Variants in TACC2 observed in about 807,000 individuals in gnomAD.
TACC2 encodes the protein transforming acidic coiled-coil-containing protein 2.
TACC2 carries 137 observed loss-of-function variants against 227.3 expected under a neutral mutation model. The ratio of observed to expected loss-of-function variants is 0.60; its 90% CI spans 0.52 to 0.69. TACC2 has a LOEUF of 0.69. Among genes scored for constraint, TACC2 ranks in the 30% least tolerant of loss-of-function variants. The probability of loss-of-function intolerance (pLI) is 0.00; values close to 1 mark genes in which losing one functional copy is unlikely to be tolerated. For synonymous variants in TACC2, 1,523 were observed against 1,487.5 expected (o/e 1.02, Z -0.55); for missense variants, 3,470 against 3,694.4 (o/e 0.94, Z 1.57).
intron 3 of TACC2, among the ~76,000 whole-genome samples, chr10:122,073,441 A>G (rs1451050171): frequency 2.0e-5 from 3 of 152,012 alleles, no homozygotes; most frequent in Admixed American, 6.6e-5. Context: ...CACCTGGGAG[A>G]GGTGAGAGGT....
chr10:122,034,169 AAAAAG>A (rs1959412112), intron 2 of TACC2, among the ~76,000 whole-genome samples: 1 of 133,958 alleles, frequency 7.5e-6, no homozygotes, highest in African/African-American at 2.8e-5. Context: ...AAAAAAAAAA[AAAAAG>A]AGCTGCTCTG....
chr10:122,109,116 C>T (rs1387339959), intron 5 of TACC2, among the ~76,000 whole-genome samples: 3 of 149,662 alleles, frequency 2.0e-5, no homozygotes, highest in African/African-American at 7.3e-5. Flanking sequence ...CTGCTGTAAA[C>T]ATGCATGTAC....
chr10:122,061,456 A>T (rs1440749235), intron 3 of TACC2, among the ~76,000 whole-genome samples: 1 of 152,080 alleles, frequency 6.6e-6, no homozygotes, highest in African/African-American at 2.4e-5. Flanking sequence ...AGGAAATCCT[A>T]CGGGTGCCAG....
intron 22 of TACC2, among the ~76,000 whole-genome samples, chr10:122,251,689 G>A (rs1022468981): frequency 6.6e-6 from 1 of 152,174 alleles, no homozygotes; most frequent in Non-Finnish European, 1.5e-5. Flanking sequence ...TGCAGCCTGG[G>A]CAACACAGCA....
intron 1 of TACC2, among the ~76,000 whole-genome samples, chr10:122,017,095 A>G (rs1956745256): frequency 6.6e-6 from 1 of 151,972 alleles, no homozygotes; most frequent in Non-Finnish European, 1.5e-5. Context: ...TGCTGAAGCC[A>G]CCGAATCTGT....
intron 2 of TACC2, among the ~76,000 whole-genome samples, chr10:122,035,663 G>A (rs1246411100): frequency 6.6e-6 from 1 of 152,072 alleles, no homozygotes; most frequent in African/African-American, 2.4e-5. Flanking sequence ...CCGTTCAGTG[G>A]AATTAAGTAC....
At chr10:122,220,903 C>CA (rs1440531136) in intron 11 of TACC2, among the ~76,000 whole-genome samples, 1 of 152,148 alleles carries the variant, frequency 6.6e-6, no homozygotes, top group East Asian at 1.9e-4. Context: ...GTGACTCCCC[C>CA]AGTGTCCTGG....
At chr10:122,147,981 G>A (rs988184609) in intron 7 of TACC2, among the ~76,000 whole-genome samples, 4 of 152,018 alleles carry the variant, frequency 2.6e-5, no homozygotes, top group Admixed American at 2.0e-4. Flanking sequence ...CCAATCAACC[G>A]TGTTTTTTCC....
chr10:122,119,417 C>G (rs377622518), intron 5 of TACC2, among the ~76,000 whole-genome samples: 1 of 152,318 alleles, frequency 6.6e-6, no homozygotes, highest in Non-Finnish European at 1.5e-5. Context: ...CATGTGATTT[C>G]TGTGCCCAGT....
At chr10:122,027,775 A>G (rs9420340) in intron 2 of TACC2, among the ~76,000 whole-genome samples, 76,566 of 149,272 alleles carry the variant, frequency 0.51, 21,350 homozygotes, top group African/African-American at 0.75. Context: ...ACAGAGTCTC[A>G]CTCTGTTGCC....
chr10:122,175,713 C>T (rs748694279), intron 7 of TACC2, among the ~76,000 whole-genome samples: 1 of 152,168 alleles, frequency 6.6e-6, no homozygotes, highest in African/African-American at 2.4e-5. Flanking sequence ...TTGTCTACAA[C>T]TCAGGGACCA....
chr10:122,237,553 G>A lies in TACC2; in HGVS notation c.8271+15G>A. On this transcript the variant is annotated intron_variant, in intron 17 of 22. Transcript: ENST00000369005. ...CCAGAGCAGAGGTATCGTGGCATGTGGTGTAATTACCCTCTTCCTGCCACT... is the reference window on the plus strand; with the variant it reads ...CCAGAGCAGAGGTATCGTGGCATGTAGTGTAATTACCCTCTTCCTGCCACT... 2.5e-6 allele frequency: 4 copies of A among 1,605,278 alleles called. No individual in the cohort carries two copies. Among genetic ancestry groups the A allele is most frequent in the Non-Finnish European group, 3.4e-6 (4 of 1,174,668 alleles).
chr10:122,249,551 G>A lies in TACC2; in HGVS notation c.8668G>A (p.Ala2890Thr). The change falls in exon 22 of 23, where the codon GCT (alanine) becomes ACT (threonine). Residue 2890 changes from alanine (A) to threonine (T), a missense_variant. Around this residue, in one of 10 missense-constraint regions of TACC2, gnomAD observed 89 missense variants for 91.4 expected, o/e 0.97. Transcript: ENST00000369005. ...AGCTCCCTGTCTCCGCAGGGCCAAT[G>A]CTGAGATTGCTCAGGTTCGAGGCAA... ...HAEEKLDRAN[A>T]EIAQVRGKAQ... 6.2e-7 allele frequency: 1 copy of A among 1,614,110 alleles called. No individual in the cohort carries two copies. Among genetic ancestry groups the A allele is most frequent in the Non-Finnish European group, 8.5e-7 (1 of 1,179,962 alleles).
chr10:122,093,540 G>A (rs1796221414), intron 5 of TACC2, among the ~76,000 whole-genome samples: 3 of 152,166 alleles, frequency 2.0e-5, no homozygotes, highest in Admixed American at 1.3e-4. Context: ...CCTCACCCCC[G>A]ATTTTATATG....
chr10:122,146,732 G>T (rs889186990), intron 7 of TACC2, among the ~76,000 whole-genome samples: 7 of 152,128 alleles, frequency 4.6e-5, no homozygotes, highest in African/African-American at 1.7e-4. Flanking sequence ...CAGGTATTCT[G>T]CTATAAGCAA....
In TACC2 at chr10:122,083,922, T is replaced by A. The variant is rs1222485044; in HGVS notation, c.1422T>A (p.Asp474Glu). The change falls in exon 4 of 23, where the codon GAT becomes GAA. Residue 474 changes from aspartate to glutamate, a missense_variant. By Grantham distance (45) the Asp-to-Glu change is conservative. Transcript: ENST00000369005. ...GLVGLERQVS[D>E]LGSKGEHPEG... Reference sequence around the variant, plus strand: ...TGGGACTGGAGAGGCAGGTGTCAGATCTTGGAAGCAAGGGAGAGCATCCAG... The same window carrying A: ...TGGGACTGGAGAGGCAGGTGTCAGAACTTGGAAGCAAGGGAGAGCATCCAG... 6.2e-7 allele frequency: 1 copy of A among 1,613,892 alleles called. No individual in the cohort carries two copies. The highest frequency in any genetic ancestry group is 8.5e-7 in the Non-Finnish European group (1 of 1,180,000).
chr10:122,182,834 A>G lies in TACC2; in HGVS notation c.5835-12206A>G, dbSNP rs551905777. ...ATACAAGAGGCGGAGACTCAGGCGC[A>G]GGTAGAGTCAGAGGCAGGTTCAAAG... On this transcript the variant is annotated intron_variant, in intron 7 of 22. Transcript: ENST00000369005. Among the ~76,000 whole-genome samples the G allele has an allele frequency of 3.9e-5, 6 of 152,306 alleles. No homozygotes were observed. The East Asian group carries it at 1.2e-3, about 29-fold the overall frequency.
At chr10:122,110,282 C>T (rs969277992) in intron 5 of TACC2, among the ~76,000 whole-genome samples, 3 of 152,188 alleles carry the variant, frequency 2.0e-5, no homozygotes, top group Admixed American at 6.5e-5. Flanking sequence ...ACCGCACAAG[C>T]CTGCATCTTT....
intron 9 of TACC2, among the ~76,000 whole-genome samples, chr10:122,213,864 G>C (rs2095347041): frequency 6.6e-6 from 1 of 152,216 alleles, no homozygotes; most frequent in African/African-American, 2.4e-5. Context: ...GAGGCCCACA[G>C]AGTGCCCTGA....
Sources: allele counts gnomAD v4.1 joint callset (sites outside exome capture counted in the v4.1 genomes callset), GRCh38; gene constraint gnomAD v4.1.1; regional missense constraint gnomAD v4.1.1; transcripts MANE v1.5; gene names NCBI Gene and HGNC (gene_info 2026-07-23, HGNC 2026-07-21).